The following NALCN variants were observed in gnomAD, a reference collection of about 807,000 sequenced individuals.
NALCN encodes the protein sodium leak channel, non-selective, also known as sodium leak channel NALCN.
In NALCN, 111 loss-of-function variants were observed where a neutral mutation model predicts 225.3. The observed-to-expected ratio is 0.49, with a 90% CI of 0.42 to 0.58. NALCN has a LOEUF of 0.58. NALCN is among the 20% of genes least tolerant of loss of function. The pLI is 0.00. For missense variants in NALCN, 1,378 were observed against 2,202.4 expected (o/e 0.63, Z 7.49); for synonymous variants, 764 against 769.0 (o/e 0.99, Z 0.11).
intron 20 of NALCN, among the ~76,000 whole-genome samples, chr13:101,109,018 G>C (rs975368969): frequency 6.6e-6 from 1 of 152,036 alleles, no homozygotes; most frequent in Non-Finnish European, 1.5e-5. Flanking sequence ...AGTAAGCTCC[G>C]GCACTGAGAC....
intron 1 of NALCN, among the ~76,000 whole-genome samples, chr13:101,402,737 C>A (rs150602922): frequency 3.3e-5 from 5 of 152,290 alleles, no homozygotes; most frequent in Non-Finnish European, 7.3e-5. Flanking sequence ...GCTGCTTCCC[C>A]CGCAGATGTA....
intron 18 of NALCN, 42 bp from the exon 19 acceptor site, chr13:101,111,268 A>G: frequency 6.5e-7 from 1 of 1,529,576 alleles, no homozygotes; most frequent in Non-Finnish European, 8.9e-7. Context: ...CATGGTTTGT[A>G]CACTTGAGAT....
At chr13:101,279,825 AATAAATAAATAAAAT>A (rs1160893091) in intron 10 of NALCN, among the ~76,000 whole-genome samples, 3 of 131,170 alleles carry the variant, frequency 2.3e-5, no homozygotes, top group Non-Finnish European at 1.6e-5. Flanking sequence ...TCAAAAAATA[AATAAATAAATAAAAT>A]AAATAAATAA....
rs748212475 is a variant in NALCN at position 101,408,681 on chromosome 13, T to C, written c.-40+7632A>G. ...TCTTCCTTCTCTTTTTCTTTCTGCC[T>C]CTCTCCTTCTCTCTCTCTCCTCCAA... On this transcript the variant is annotated intron_variant, in intron 1 of 43. Coordinates refer to ENST00000251127, the MANE Select transcript of NALCN (RefSeq NM_052867.4). Among the ~76,000 whole-genome samples, 44 of 152,140 alleles carry C rather than the reference T, an allele frequency of 2.9e-4. 1 individual carries two copies. Among genetic ancestry groups the C allele is most frequent in the Non-Finnish European group, 6.0e-4 (41 of 68,024 alleles).
chr13:101,056,603 T>G (rs947983974), intron 43 of NALCN, among the ~76,000 whole-genome samples: 1 of 151,666 alleles, frequency 6.6e-6, no homozygotes, highest in African/African-American at 2.4e-5. Context: ...TTTGTCCATT[T>G]AAATGAATAC....
At chr13:101,210,588 T>C (rs946249935) in intron 13 of NALCN, among the ~76,000 whole-genome samples, 5 of 152,186 alleles carry the variant, frequency 3.3e-5, no homozygotes, top group Admixed American at 3.3e-4. Flanking sequence ...TCTCCTAAAC[T>C]GGAATTGGGG....
chr13:101,179,138 T>C (rs1363382141), intron 14 of NALCN, among the ~76,000 whole-genome samples: 2 of 152,144 alleles, frequency 1.3e-5, no homozygotes, highest in African/African-American at 4.8e-5. Flanking sequence ...TGCAGTGATG[T>C]TTATCACTGA....
intron 13 of NALCN, among the ~76,000 whole-genome samples, chr13:101,215,175 C>G (rs1204921800): frequency 3.3e-5 from 5 of 152,080 alleles, no homozygotes; most frequent in African/African-American, 1.2e-4. Context: ...ATTGGTAAAA[C>G]TACTTTGGAA....
chr13:101,160,143 A>G lies in NALCN; in HGVS notation c.1840-15247T>C, dbSNP rs555513015. Among the ~76,000 whole-genome samples, 15 of 152,136 alleles carry G rather than the reference A, an allele frequency of 9.9e-5. No homozygotes were observed. The East Asian group carries it at 2.3e-3, about 24-fold the overall frequency. On this transcript the variant is annotated intron_variant, in intron 15 of 43. Transcript: ENST00000251127. ...CTAATTTTTTGTATTTTTAGTAGAG[A>G]CAGGGTTTCACCATGTTAGCCAGGA...
chr13:101,258,643 T>A (rs1404310731), intron 10 of NALCN, 69 bp from the exon 11 acceptor site: 1 of 1,598,110 alleles, frequency 6.3e-7, no homozygotes, highest in African/African-American at 1.3e-5. Context: ...ATTGACTTAG[T>A]CCTTGGCTGA....
At chr13:101,362,636 C>T (rs1188493839) in intron 6 of NALCN, among the ~76,000 whole-genome samples, 1 of 152,006 alleles carries the variant, frequency 6.6e-6, no homozygotes, top group Non-Finnish European at 1.5e-5. Flanking sequence ...TAACATCATA[C>T]CAAAGGCGGA....
At chr13:101,355,064 C>G (rs558386994) in intron 6 of NALCN, among the ~76,000 whole-genome samples, 1 of 151,468 alleles carries the variant, frequency 6.6e-6, no homozygotes, top group South Asian at 2.1e-4. Flanking sequence ...CACCTCCCCT[C>G]CACTATCTCT....
chr13:101,207,744 G>T (rs1349685128), intron 13 of NALCN, among the ~76,000 whole-genome samples: 1 of 152,208 alleles, frequency 6.6e-6, no homozygotes, highest in Non-Finnish European at 1.5e-5. Context: ...TCAGCAGGAT[G>T]TGGGTGGGGC....
chr13:101,168,646 T>C (rs2139902212), intron 15 of NALCN, among the ~76,000 whole-genome samples: 1 of 152,292 alleles, frequency 6.6e-6, no homozygotes, highest in South Asian at 2.1e-4. Context: ...AAGAACGGAT[T>C]CTTCCATCTC....
intron 9 of NALCN, among the ~76,000 whole-genome samples, chr13:101,291,559 T>G (rs2043553133): frequency 6.6e-6 from 1 of 152,134 alleles, no homozygotes; most frequent in African/African-American, 2.4e-5. Context: ...TTCTTTTATG[T>G]TTTTTGGGGA....
At chr13:101,218,895 A>T (rs9582466) in intron 13 of NALCN, among the ~76,000 whole-genome samples, 118 of 152,032 alleles carry the variant, frequency 7.8e-4, no homozygotes, top group African/African-American at 2.7e-3. Flanking sequence ...CCAGTCTCAG[A>T]TATTTCTTTA....
At chr13:101,136,022 C>CAT (rs1566321819) in intron 17 of NALCN, among the ~76,000 whole-genome samples, 2 of 152,198 alleles carry the variant, frequency 1.3e-5, no homozygotes, top group Non-Finnish European at 2.9e-5. Flanking sequence ...ACAGCTGATA[C>CAT]ATAGTTCCAA....
Position 101,081,617 on chromosome 13 carries a change from A to C in NALCN, c.3795T>G (p.Pro1265=), listed in dbSNP as rs1465282845. Residue 1265 remains proline (P), a synonymous_variant, in exon 34 of 44, where the codon CCT becomes CCG. Transcript: ENST00000251127. The part of the protein sequence containing the change: ...EVTMKIIAMS[P]AGFWQSRRNR... ...TTCTTCTGCTTTGCCAGAAGCCAGCAGGCGACATTGCTATGATCTTCATGG... is the reference window on the plus strand; with the variant it reads ...TTCTTCTGCTTTGCCAGAAGCCAGCCGGCGACATTGCTATGATCTTCATGG... 6.2e-7 allele frequency: 1 copy of C among 1,614,206 alleles called. No homozygotes were observed. Among genetic ancestry groups the C allele is most frequent in the South Asian group, 1.1e-5 (1 of 91,090 alleles).
Position 101,292,115 on chromosome 13 carries a change from C to A in NALCN, c.943-21G>T. The A allele has an allele frequency of 1.2e-6, 2 of 1,613,472 alleles. No homozygotes were observed. ...ACGTTCTGAAAAAAATCACAAACCA[C>A]ATTTACCAAAGTCTAAGAATGACAA... On this transcript the variant is annotated intron_variant, in intron 8 of 43. Transcript: ENST00000251127. The surrounding 1 kb of genome is among the most constrained non-coding windows in gnomAD (Gnocchi z 4.3).
Sources: allele counts gnomAD v4.1 joint callset (sites outside exome capture counted in the v4.1 genomes callset), GRCh38; gene constraint gnomAD v4.1.1; non-coding constraint Gnocchi (gnomAD v3.1); transcripts MANE v1.5; gene names NCBI Gene and HGNC (gene_info 2026-07-23, HGNC 2026-07-21).